Variants in RANBP2 observed in about 807,000 individuals in gnomAD.
RANBP2 encodes the protein E3 SUMO-protein ligase RanBP2.
A neutral mutation model predicts 303.6 loss-of-function variants in RANBP2; 57 were observed. The observed-to-expected ratio is 0.19, with a 90% CI of 0.15 to 0.23. The LOEUF (loss-of-function observed/expected upper bound fraction) is 0.23, where lower values mean the gene tolerates loss of function less well. RANBP2 is among the 10% of genes least tolerant of loss of function. The pLI, the probability that RANBP2 is intolerant of heterozygous loss-of-function variation, is 1.00. For missense variants in RANBP2, 3,138 were observed against 3,780.8 expected (o/e 0.83, Z 4.46); for synonymous variants, 1,167 against 1,301.5 (o/e 0.90, Z 2.23).
the RANBP2 span, among the ~76,000 whole-genome samples, chr2:108,840,036 TC>T: frequency 7.2e-5 from 11 of 152,176 alleles, no homozygotes; most frequent in African/African-American, 2.6e-4. Flanking sequence ...TCCCCTGTAT[TC>T]CTATTTTTCT....
At chr2:109,006,269 C>A in the RANBP2 span, among the ~76,000 whole-genome samples, 11 of 152,262 alleles carry the variant, frequency 7.2e-5, no homozygotes, top group African/African-American at 2.2e-4. Context: ...TCTCGGCTCG[C>A]TGCAACCTCC....
the RANBP2 span, among the ~76,000 whole-genome samples, chr2:108,833,727 T>C: frequency 0.022 from 6 of 274 alleles, no homozygotes; most frequent in African/African-American, 0.05. Flanking sequence ...TGGAGTAAAC[T>C]TTTTTTTTTT....
the RANBP2 span, chr2:108,910,379 C>A: frequency 8.5e-7 from 1 of 1,177,382 alleles, no homozygotes; most frequent in South Asian, 1.3e-5. Flanking sequence ...TGTCAGTTCA[C>A]TCGGCTGCAC....
the RANBP2 span, among the ~76,000 whole-genome samples, chr2:109,171,920 C>T: frequency 2.6e-5 from 4 of 152,234 alleles, no homozygotes; most frequent in South Asian, 2.1e-4. Context: ...ATGCATGTGC[C>T]GAGCCCAGCC....
the RANBP2 span, among the ~76,000 whole-genome samples, chr2:109,727,480 CCTTT>C: frequency 6.6e-6 from 1 of 152,344 alleles, no homozygotes; most frequent in South Asian, 2.1e-4. Flanking sequence ...AAGTCTGTGT[CCTTT>C]TCACTACATG....
chr2:109,542,543 C>T, the RANBP2 span, among the ~76,000 whole-genome samples: 9 of 152,232 alleles, frequency 5.9e-5, no homozygotes, highest in East Asian at 3.9e-4. Context: ...CAAACACTCC[C>T]GCAGTGTCAT....
chr2:109,690,278 G>A, the RANBP2 span, among the ~76,000 whole-genome samples: 3 of 152,110 alleles, frequency 2.0e-5, no homozygotes, highest in South Asian at 2.1e-4. Flanking sequence ...ACGTTGGTTC[G>A]GTCTGGAAAA....
At chr2:109,449,871 G>A in the RANBP2 span, among the ~76,000 whole-genome samples, 3 of 152,266 alleles carry the variant, frequency 2.0e-5, no homozygotes, top group East Asian at 1.9e-4. Context: ...ACAAATCTAC[G>A]TGTGCAGTGT....
chr2:109,356,421 A>C, the RANBP2 span, among the ~76,000 whole-genome samples: 2 of 152,198 alleles, frequency 1.3e-5, no homozygotes, highest in Middle Eastern at 3.2e-3. Flanking sequence ...GGCAGGGTCC[A>C]CTGCTCATTC....
the RANBP2 span, among the ~76,000 whole-genome samples, chr2:109,200,782 G>A: frequency 9.2e-5 from 14 of 152,150 alleles, no homozygotes; most frequent in African/African-American, 7.2e-5. Flanking sequence ...CTTTAGGGCC[G>A]GCTGAGCACA....
In RANBP2 at chr2:108,782,755, A is replaced by G; in HGVS notation, c.9262A>G (p.Ile3088Val). ...GRITMELFSN[I>V]VPRTAENFRA... Reference sequence around the variant, plus strand: ...GATAACTATGGAATTATTTTCAAACATTGTTCCTCGGACTGCTGAGAACTT... The same window carrying G: ...GATAACTATGGAATTATTTTCAAACGTTGTTCCTCGGACTGCTGAGAACTT... Residue 3088 changes from isoleucine to valine, a missense_variant, in exon 28 of 29, where the codon ATT (isoleucine) becomes GTT (valine). By Grantham distance (29) the Ile-to-Val change is conservative (BLOSUM62 3). Transcript: ENST00000283195. 3 of 1,614,222 alleles carry G rather than the reference A, an allele frequency of 1.9e-6. No individual in the cohort carries two copies. The highest frequency in any genetic ancestry group is 2.5e-6 in the Non-Finnish European group (3 of 1,180,042).
chr2:109,315,165 A>G, the RANBP2 span, among the ~76,000 whole-genome samples: 1 of 152,242 alleles, frequency 6.6e-6, no homozygotes, highest in Non-Finnish European at 1.5e-5. Flanking sequence ...ATTAGCAGAA[A>G]GTCTTATTTG....
the RANBP2 span, among the ~76,000 whole-genome samples, chr2:109,634,404 AT>A: frequency 6.6e-6 from 1 of 152,226 alleles, no homozygotes; most frequent in Non-Finnish European, 1.5e-5. Context: ...ATTAGGCTGA[AT>A]TTGTATCTGA....
At chr2:109,171,566 C>T in the RANBP2 span, among the ~76,000 whole-genome samples, 2 of 152,236 alleles carry the variant, frequency 1.3e-5, no homozygotes, top group Admixed American at 6.5e-5. Flanking sequence ...CATTAGAACA[C>T]GGAGCACAGG....
chr2:108,784,759 T>G lies in RANBP2; in HGVS notation c.*858T>G, dbSNP rs1308908968. The G allele has an allele frequency of 5.2e-5, 8 of 152,624 alleles. No homozygotes were observed. The highest frequency in any genetic ancestry group is 5.2e-4 in the Admixed American group (8 of 15,280). 9.5% of individuals were successfully genotyped at this position (152,624 alleles called of 1,614,324 possible). On this transcript the variant is annotated 3_prime_UTR_variant, in exon 29 of 29. Transcript: ENST00000283195. Reference sequence around the variant, plus strand: ...GTTGCAGTACCTTTTTCTGGTAAATTTTGTAGCAGAAATAAAATGACAATT... The same window carrying G: ...GTTGCAGTACCTTTTTCTGGTAAATGTTGTAGCAGAAATAAAATGACAATT...
chr2:109,645,217 C>T, the RANBP2 span, among the ~76,000 whole-genome samples: 5 of 152,284 alleles, frequency 3.3e-5, no homozygotes, highest in South Asian at 8.3e-4. Context: ...TAGTTGCCAG[C>T]GAGAGGCAAC....
chr2:109,085,852 A>G, the RANBP2 span, among the ~76,000 whole-genome samples: 4 of 141,026 alleles, frequency 2.8e-5, no homozygotes, highest in African/African-American at 8.0e-5. Context: ...CGATCCACCC[A>G]CCTTGGCCTC....
chr2:108,747,028 TTTC>T (rs1696570238), intron 8 of RANBP2, among the ~76,000 whole-genome samples: 2 of 152,246 alleles, frequency 1.3e-5, no homozygotes, highest in Non-Finnish European at 2.9e-5. Context: ...TTCTTAACTC[TTTC>T]TTTATCTGGC....
chr2:109,654,905 TC>T, the RANBP2 span, among the ~76,000 whole-genome samples: 1 of 151,070 alleles, frequency 6.6e-6, no homozygotes, highest in Non-Finnish European at 1.5e-5. Context: ...TCTTTTCTTT[TC>T]TTTTTTTTTT....
Sources: gnomAD v4.1 joint callset for allele counts (sites outside exome capture counted in the v4.1 genomes callset) on GRCh38, gnomAD v4.1.1 for gene constraint, MANE v1.5 for transcripts, NCBI Gene and HGNC (gene_info 2026-07-23, HGNC 2026-07-21) for gene names.